CABCOCO1: variants seen among roughly 807,000 people sequenced by gnomAD.
CABCOCO1 encodes the protein ciliary associated calcium binding coiled-coil 1.
A neutral mutation model predicts 35.7 loss-of-function variants in CABCOCO1; 28 were observed. The ratio of observed to expected loss-of-function variants is 0.78; its 90% CI spans 0.58 to 1.07. The LOEUF is 1.07. Ranked by LOEUF, CABCOCO1 falls within the 50% of genes least tolerant of loss-of-function variation. CABCOCO1 has a pLI of 0.00. For missense variants in CABCOCO1, 326 were observed against 309.2 expected (o/e 1.05, Z -0.41); for synonymous variants, 95 against 100.1 (o/e 0.95, Z 0.30).
intron 5 of CABCOCO1, among the ~76,000 whole-genome samples, chr10:61,711,533 C>T (rs10994891): frequency 0.65 from 99,292 of 151,762 alleles, 34,014 homozygotes; most frequent in Middle Eastern, 0.84. Flanking sequence ...TTTACTCTTA[C>T]AATGGTAAAT....
intron 5 of CABCOCO1, among the ~76,000 whole-genome samples, chr10:61,690,888 C>A (rs1840118398): frequency 6.6e-6 from 1 of 151,966 alleles, no homozygotes; most frequent in African/African-American, 2.4e-5. Context: ...GGATAAGGTA[C>A]ATATGTCTTC....
rs572940798 is a variant in CABCOCO1, at chr10:61,753,113, TGA to T, written c.553-6942_553-6941del. Among the ~76,000 whole-genome samples the T allele has an allele frequency of 2.6e-3, 393 of 152,274 alleles. 5 individuals carry two copies. The highest frequency in any genetic ancestry group is 8.7e-3 in the African/African-American group (362 of 41,556). ...TATTCAAAAAGAGTATTCTCTAATATGAGAGTCATGAAATAGCTTCATCTTCA... is the reference window on the plus strand; with the variant it reads ...TATTCAAAAAGAGTATTCTCTAATATGAGTCATGAAATAGCTTCATCTTCA... On this transcript the variant is annotated intron_variant, in intron 5 of 7. Transcript: ENST00000648843.
intron 7 of CABCOCO1, 112 bp from the exon 8 acceptor site, chr10:61,765,827 G>T: frequency 1.1e-6 from 1 of 897,436 alleles, no homozygotes; most frequent in Non-Finnish European, 1.7e-6. Context: ...ACAGGAAGGT[G>T]TGTGAGGGAT....
chr10:61,683,938 T>C (rs868390899), intron 3 of CABCOCO1, among the ~76,000 whole-genome samples: 3 of 152,186 alleles, frequency 2.0e-5, no homozygotes, highest in African/African-American at 7.2e-5. Flanking sequence ...TAAGTATAAT[T>C]TCATCTGGAA....
At chr10:61,686,568 G>C (rs967450056) in intron 4 of CABCOCO1, among the ~76,000 whole-genome samples, 6 of 152,124 alleles carry the variant, frequency 3.9e-5, no homozygotes, top group Admixed American at 2.6e-4. Context: ...GTTTTAGGTA[G>C]TTGATCTTTC....
chr10:61,756,189 C>T (rs1353201522), intron 5 of CABCOCO1, among the ~76,000 whole-genome samples: 1 of 151,924 alleles, frequency 6.6e-6, no homozygotes, highest in Non-Finnish European at 1.5e-5. Flanking sequence ...CAACTTAAAG[C>T]ACAATTCAAC....
Position 61,760,050 on chromosome 10 carries a change from TC to T in CABCOCO1, c.553-6del. The T allele has an allele frequency of 6.2e-7, 1 of 1,612,318 alleles. No individual in the cohort carries two copies. Among genetic ancestry groups the T allele is most frequent in the East Asian group, 2.2e-5 (1 of 44,854 alleles). ...CTCTGTCATAATTCAACTTTTTTCT[TC>T]CCATCAGCAAGTGATAGAGGTTGTC... On this transcript the variant is annotated splice_region_variant and splice_polypyrimidine_tract_variant and intron_variant, in intron 5 of 7. Transcript: ENST00000648843.
At chr10:61,665,842 G>A (rs1270377736) in intron 1 of CABCOCO1, among the ~76,000 whole-genome samples, 1 of 149,730 alleles carries the variant, frequency 6.7e-6, no homozygotes, top group Non-Finnish European at 1.5e-5. Flanking sequence ...AGCCGAGATC[G>A]CGCCACTGCA....
At chr10:61,690,050 G>T (rs951644743) in intron 4 of CABCOCO1, among the ~76,000 whole-genome samples, 3 of 151,942 alleles carry the variant, frequency 2.0e-5, no homozygotes, top group Non-Finnish European at 2.9e-5. Context: ...TAGTTCATGC[G>T]CCATTTTTCA....
At chr10:61,725,918 A>G (rs556561050) in intron 5 of CABCOCO1, among the ~76,000 whole-genome samples, 54 of 152,288 alleles carry the variant, frequency 3.5e-4, no homozygotes, top group Non-Finnish European at 6.2e-4. Flanking sequence ...AAAAAGAAAG[A>G]AAAAGATATT....
intron 5 of CABCOCO1, among the ~76,000 whole-genome samples, chr10:61,714,875 G>GACA (rs1014791646): frequency 4.7e-4 from 71 of 152,210 alleles, no homozygotes; most frequent in African/African-American, 1.7e-3. Flanking sequence ...TGGTCTGAGA[G>GACA]ACAGTTTGTT....
intron 5 of CABCOCO1, among the ~76,000 whole-genome samples, chr10:61,707,083 C>T (rs1840610576): frequency 1.3e-5 from 2 of 152,152 alleles, no homozygotes; most frequent in African/African-American, 4.8e-5. Flanking sequence ...AACTGATCCT[C>T]AAATGAGATT....
At chr10:61,664,505 T>A (rs1839105542) in intron 1 of CABCOCO1, among the ~76,000 whole-genome samples, 1 of 152,158 alleles carries the variant, frequency 6.6e-6, no homozygotes, top group South Asian at 2.1e-4. Context: ...TAGTTATAGA[T>A]CTTAGATTAT....
Position 61,707,553 on chromosome 10 carries a change from C to T in CABCOCO1, c.552+16932C>T, listed in dbSNP as rs890583085. On this transcript the variant is annotated intron_variant, in intron 5 of 7. Coordinates refer to ENST00000648843, the MANE Select transcript of CABCOCO1 (RefSeq NM_001366906.2). ...GGGAGGTTTTCATCATCACTGACCA[C>T]CCTAGTAGTGGCTATTCTCAGTAGG... is the stretch of plus-strand genomic sequence containing the variant. Among the ~76,000 whole-genome samples the T allele has an allele frequency of 3.3e-5, 5 of 152,250 alleles. No homozygotes were observed. In the East Asian group the frequency reaches 9.7e-4, roughly 29 times the overall value.
At chr10:61,663,827 A>ATT (rs1839084562) in intron 1 of CABCOCO1, among the ~76,000 whole-genome samples, 2 of 152,156 alleles carry the variant, frequency 1.3e-5, no homozygotes, top group African/African-American at 4.8e-5. Flanking sequence ...GATATTATAA[A>ATT]AAAAAAAGTT....
At chr10:61,760,754 G>T in intron 6 of CABCOCO1, 109 bp from the exon 7 acceptor site, 1 of 1,256,836 alleles carries the variant, frequency 8.0e-7, no homozygotes, top group Admixed American at 2.8e-5. Flanking sequence ...CTTGTATCCT[G>T]GAACTTAAAG....
At chr10:61,725,568 T>C (rs1242685981) in intron 5 of CABCOCO1, among the ~76,000 whole-genome samples, 1 of 142,384 alleles carries the variant, frequency 7.0e-6, no homozygotes, top group East Asian at 2.1e-4. Context: ...ATGAGAACAC[T>C]TGGACATAGG....
intron 5 of CABCOCO1, among the ~76,000 whole-genome samples, chr10:61,734,749 G>A (rs1841378281): frequency 6.6e-6 from 1 of 152,090 alleles, no homozygotes; most frequent in Non-Finnish European, 1.5e-5. Context: ...AGCGCTCTCT[G>A]TAGGAATGGC....
intron 5 of CABCOCO1, among the ~76,000 whole-genome samples, chr10:61,722,407 C>T (rs72823813): frequency 6.6e-6 from 1 of 151,918 alleles, no homozygotes; most frequent in East Asian, 1.9e-4. Context: ...AAAAGTAAAT[C>T]TAAATGAAAA....
Sources: gnomAD v4.1 joint callset for allele counts (sites outside exome capture counted in the v4.1 genomes callset) on GRCh38, gnomAD v4.1.1 for gene constraint, MANE v1.5 for transcripts, NCBI Gene and HGNC (gene_info 2026-07-23, HGNC 2026-07-21) for gene names.